Variants in PTPRQ observed in about 807,000 individuals in gnomAD.
PTPRQ encodes the protein phosphatidylinositol phosphatase PTPRQ.
In PTPRQ, 199 loss-of-function variants were observed where a neutral mutation model predicts 246.0. That is an observed-to-expected ratio of 0.81 (90% CI 0.72 to 0.91). The LOEUF is 0.91. PTPRQ is among the 40% of genes least tolerant of loss of function. The pLI, the probability that PTPRQ is intolerant of heterozygous loss-of-function variation, is 0.00. For missense variants in PTPRQ, 2,624 were observed against 2,528.4 expected (o/e 1.04, Z -0.81); for synonymous variants, 869 against 853.2 (o/e 1.02, Z -0.32).
chr12:80,491,066 C>T (rs1894433577), intron 9 of PTPRQ, among the ~76,000 whole-genome samples: 1 of 151,840 alleles, frequency 6.6e-6, no homozygotes, highest in South Asian at 2.1e-4. Flanking sequence ...ATTTGAGAGT[C>T]ATTCACATAG....
Position 80,605,040 on chromosome 12 carries a change from T to C in PTPRQ, c.4610-19T>C. ...ACTAATTCTAATGTAGCTAGATAAT[T>C]AATTTTCTATTGTCATAGCTCCAGA... On this transcript the variant is annotated intron_variant, in intron 26 of 44. Coordinates refer to ENST00000644991, the MANE Select transcript of PTPRQ (RefSeq NM_001145026.2). 6.5e-7 allele frequency: 1 copy of C among 1,530,936 alleles called. No individual in the cohort carries two copies. 94.8% of individuals were successfully genotyped at this position (1,530,936 alleles called of 1,614,324 possible).
intron 7 of PTPRQ, among the ~76,000 whole-genome samples, 153 bp downstream of exon 7, chr12:80,468,991 T>C (rs1893537915): frequency 6.6e-6 from 1 of 152,214 alleles, no homozygotes; most frequent in Non-Finnish European, 1.5e-5. Flanking sequence ...GGGAGGTCCT[T>C]TGATTTTTTA....
intron 8 of PTPRQ, among the ~76,000 whole-genome samples, chr12:80,484,209 G>T (rs144028198): frequency 2.0e-5 from 3 of 151,942 alleles, no homozygotes; most frequent in Non-Finnish European, 4.4e-5. Flanking sequence ...GTTTCACCAT[G>T]TTGGTCAGGC....
At chr12:80,517,785 C>T (rs1410796816) in intron 17 of PTPRQ, among the ~76,000 whole-genome samples, 1 of 152,046 alleles carries the variant, frequency 6.6e-6, no homozygotes, top group Non-Finnish European at 1.5e-5. Context: ...ACTTATTTGA[C>T]TTAACACAAT....
intron 3 of PTPRQ, among the ~76,000 whole-genome samples, chr12:80,452,995 A>T (rs1437531746): frequency 6.6e-6 from 1 of 152,202 alleles, no homozygotes; most frequent in Non-Finnish European, 1.5e-5. Context: ...CATCACTTTC[A>T]GGTATACCAA....
chr12:80,587,935 T>C (rs1014235080), intron 25 of PTPRQ, among the ~76,000 whole-genome samples, 194 bp from the exon 26 acceptor site: 1 of 152,178 alleles, frequency 6.6e-6, no homozygotes, highest in Non-Finnish European at 1.5e-5. Flanking sequence ...TTTTGTCCTC[T>C]ACCCTTTTAA....
intron 8 of PTPRQ, among the ~76,000 whole-genome samples, chr12:80,482,074 C>A (rs1358779311): frequency 2.0e-5 from 3 of 151,530 alleles, no homozygotes; most frequent in African/African-American, 7.3e-5. Flanking sequence ...CCAAGTCAAT[C>A]CTAAGCCAAA....
chr12:80,480,640 GA>G (rs1457251527), intron 8 of PTPRQ, among the ~76,000 whole-genome samples: 8 of 151,404 alleles, frequency 5.3e-5, no homozygotes, highest in Admixed American at 3.9e-4. Flanking sequence ...GACTAATAAA[GA>G]AAAAAAGAGA....
At chr12:80,567,459 C>T (rs192043055) in intron 25 of PTPRQ, among the ~76,000 whole-genome samples, 3 of 152,238 alleles carry the variant, frequency 2.0e-5, no homozygotes, top group Admixed American at 1.3e-4. Flanking sequence ...ATTCATCCAC[C>T]ATATAGAGCA....
At chr12:80,507,656 G>T (rs767692926) in intron 16 of PTPRQ, among the ~76,000 whole-genome samples, 22 of 151,958 alleles carry the variant, frequency 1.4e-4, no homozygotes, top group Admixed American at 3.3e-4. Flanking sequence ...AGGGCTGTCT[G>T]TGTTGCCCCA....
intron 25 of PTPRQ, among the ~76,000 whole-genome samples, chr12:80,557,611 G>T (rs1204751354): frequency 6.6e-6 from 1 of 152,066 alleles, no homozygotes; most frequent in Non-Finnish European, 1.5e-5. Flanking sequence ...TAAAACATAT[G>T]AGAAAGGCAT....
At chr12:80,575,883 A>G (rs963400508) in intron 25 of PTPRQ, among the ~76,000 whole-genome samples, 12 of 151,664 alleles carry the variant, frequency 7.9e-5, no homozygotes, top group Non-Finnish European at 1.6e-4. Context: ...AAAAGAAAAG[A>G]AAATCTTTTG....
intron 33 of PTPRQ, among the ~76,000 whole-genome samples, chr12:80,631,791 A>C (rs1340718632): frequency 6.6e-6 from 1 of 152,220 alleles, no homozygotes; most frequent in Non-Finnish European, 1.5e-5. Flanking sequence ...GTGGGAGGAT[A>C]CAGTTGAAAG....
chr12:80,604,229 T>C (rs1029347820), intron 26 of PTPRQ, among the ~76,000 whole-genome samples: 4 of 151,442 alleles, frequency 2.6e-5, no homozygotes, highest in Non-Finnish European at 5.9e-5. Flanking sequence ...TAGAATTGAC[T>C]AGGGGCCCCA....
At chr12:80,554,153 G>A (rs1283275144) in intron 25 of PTPRQ, among the ~76,000 whole-genome samples, 2 of 152,076 alleles carry the variant, frequency 1.3e-5, no homozygotes, top group Non-Finnish European at 2.9e-5. Context: ...GTATTTGATA[G>A]CACAACAGGG....
In PTPRQ at chr12:80,542,208, C is replaced by T; in HGVS notation, c.3565C>T (p.Gln1189Ter). The T allele has an allele frequency of 6.4e-7, 1 of 1,551,044 alleles. No individual in the cohort carries two copies. The highest frequency in any genetic ancestry group is 8.7e-7 in the Non-Finnish European group (1 of 1,146,588). ...GAIISYDLTLQGPNENYSFIT... is the reference protein window; with the variant it reads ...GAIISYDLTL Reference sequence around the variant, plus strand: ...AATAATAAGTTATGATTTAACTTTACAAGGACCAAATGAAAATTATTCTTT... The same window carrying T: ...AATAATAAGTTATGATTTAACTTTATAAGGACCAAATGAAAATTATTCTTT... Residue 1189 changes from glutamine (Q) to a stop codon, truncating the protein, a stop_gained, in exon 22 of 45, where the codon CAA (glutamine) becomes TAA (stop). Coordinates refer to ENST00000644991, the MANE Select transcript of PTPRQ (RefSeq NM_001145026.2). LOFTEE classifies it high-confidence loss of function.
chr12:80,461,150 T>C (rs912692201), intron 6 of PTPRQ, among the ~76,000 whole-genome samples: 3 of 152,204 alleles, frequency 2.0e-5, no homozygotes, highest in Non-Finnish European at 4.4e-5. Flanking sequence ...GATCCTCATA[T>C]AGCTTTTATC....
At chr12:80,649,004 T>C in intron 36 of PTPRQ, 81 bp downstream of exon 36, 1 of 1,331,042 alleles carries the variant, frequency 7.5e-7, no homozygotes. Context: ...TAATGTGTGA[T>C]TCACTTTTTG....
chr12:80,664,858 C>T (rs1213074570), intron 39 of PTPRQ, among the ~76,000 whole-genome samples: 4 of 152,118 alleles, frequency 2.6e-5, no homozygotes, highest in Middle Eastern at 3.4e-3. Context: ...ATCTCATCTT[C>T]CAGACCTGCA....
Sources: gnomAD v4.1 joint callset for allele counts (sites outside exome capture counted in the v4.1 genomes callset) on GRCh38, gnomAD v4.1.1 for gene constraint, MANE v1.5 for transcripts, NCBI Gene and HGNC (gene_info 2026-07-23, HGNC 2026-07-21) for gene names.